SOX5: variants seen among roughly 807,000 people sequenced by gnomAD.
SOX5 encodes the protein SRY-box transcription factor 5.
SOX5 carries 9 observed loss-of-function variants against 92.0 expected under a neutral mutation model. The ratio of observed to expected loss-of-function variants is 0.10; its 90% CI spans 0.06 to 0.17. The LOEUF (loss-of-function observed/expected upper bound fraction) is 0.17. SOX5 is among the 10% of genes least tolerant of loss of function. The pLI, the probability that SOX5 is intolerant of heterozygous loss-of-function variation, is 1.00. For synonymous variants in SOX5, 344 were observed against 336.3 expected (o/e 1.02, Z -0.25); for missense variants, 642 against 944.5 (o/e 0.68, Z 4.20).
intron 1 of SOX5, among the ~76,000 whole-genome samples, chr12:24,430,880 A>T (rs566507405): frequency 1.3e-5 from 2 of 152,310 alleles, no homozygotes; most frequent in East Asian, 3.9e-4. Context: ...CTGAGCCTCA[A>T]ATCTACTCAT....
intron 4 of SOX5, among the ~76,000 whole-genome samples, chr12:24,100,236 G>A (rs1256706160): frequency 6.6e-6 from 1 of 151,866 alleles, no homozygotes; most frequent in Non-Finnish European, 1.5e-5. Flanking sequence ...CTATTTTTTA[G>A]GCTCCTTATT....
At chr12:23,821,474 GGAGA>G (rs1026643105) in intron 3 of SOX5, among the ~76,000 whole-genome samples, 3 of 152,204 alleles carry the variant, frequency 2.0e-5, no homozygotes, top group Admixed American at 6.5e-5. Flanking sequence ...GAATAGGAGT[GGAGA>G]GAGAGGGCAT....
intron 4 of SOX5, among the ~76,000 whole-genome samples, chr12:23,979,897 CTGGCTGGCTGGCTGG>C (rs1569371701): frequency 1.9e-4 from 27 of 138,980 alleles, no homozygotes; most frequent in African/African-American, 5.5e-4. Context: ...GGCTGGCTGG[CTGGCTGGCTGGCTGG>C]CCAGACAGAC....
intron 2 of SOX5, among the ~76,000 whole-genome samples, chr12:24,332,395 A>G (rs1951429115): frequency 6.6e-6 from 1 of 152,184 alleles, no homozygotes; most frequent in South Asian, 2.1e-4. Context: ...GAAAAGAACA[A>G]TACTTTCAGA....
chr12:23,860,896 T>G (rs1029720636), intron 2 of SOX5, among the ~76,000 whole-genome samples: 1 of 149,414 alleles, frequency 6.7e-6, no homozygotes, highest in Non-Finnish European at 1.5e-5. Context: ...GCCCTGTACA[T>G]TTTTGAAAGT....
At chr12:23,640,724 G>T in intron 8 of SOX5, 88 bp downstream of exon 8, 1 of 859,052 alleles carries the variant, frequency 1.2e-6, no homozygotes, top group Non-Finnish European at 2.0e-6. Flanking sequence ...CGAATATCAC[G>T]AGTCAGTTTT....
intron 11 of SOX5, among the ~76,000 whole-genome samples, chr12:23,554,231 T>C (rs754828181): frequency 1.8e-4 from 28 of 151,988 alleles, no homozygotes; most frequent in Non-Finnish European, 3.5e-4. Flanking sequence ...CTTTCTCCAG[T>C]GATGGGGTTT....
chr12:24,197,244 A>T (rs1193428122), intron 4 of SOX5, among the ~76,000 whole-genome samples: 1 of 152,176 alleles, frequency 6.6e-6, no homozygotes, highest in African/African-American at 2.4e-5. Flanking sequence ...ATCTGTGCCA[A>T]ATATTTGCTG....
At chr12:23,736,200 G>A (rs558416938) in intron 5 of SOX5, among the ~76,000 whole-genome samples, 334 of 151,808 alleles carry the variant, frequency 2.2e-3, no homozygotes, top group African/African-American at 3.8e-3. Flanking sequence ...GGTGGCTCAC[G>A]CCTGTAATCT....
chr12:24,185,955 C>T lies in SOX5; in HGVS notation c.-2+27388G>A, dbSNP rs80252832. ...GCTTCATACCTAAGACTATCAGAGT[C>T]CAAAGACTACAGGATATGCTTCTTA... On this transcript the variant is annotated intron_variant, in intron 4 of 4. Transcript: ENST00000446891. Among the ~76,000 whole-genome samples the T allele has an allele frequency of 2.1e-3, 314 of 152,088 alleles. 2 individuals carry two copies. Among genetic ancestry groups the T allele is most frequent in the African/African-American group, 7.3e-3 (302 of 41,476 alleles).
intron 2 of SOX5, among the ~76,000 whole-genome samples, chr12:24,352,402 G>A (rs1256800650): frequency 6.6e-6 from 1 of 152,116 alleles, no homozygotes; most frequent in Non-Finnish European, 1.5e-5. Flanking sequence ...AACATATGGG[G>A]CTTCAGTGGA....
chr12:23,789,680 C>T (rs935607110), intron 3 of SOX5, among the ~76,000 whole-genome samples: 2 of 151,990 alleles, frequency 1.3e-5, no homozygotes, highest in Non-Finnish European at 2.9e-5. Context: ...GAAAGAAAAT[C>T]ATATTTACAA....
intron 4 of SOX5, among the ~76,000 whole-genome samples, chr12:24,143,209 C>A (rs116708529): frequency 2.0e-5 from 3 of 152,146 alleles, no homozygotes; most frequent in Non-Finnish European, 4.4e-5. Context: ...TTCCAAGACA[C>A]GTCACTGAGT....
At chr12:23,652,225 C>A (rs1012383830) in intron 7 of SOX5, among the ~76,000 whole-genome samples, 3 of 151,972 alleles carry the variant, frequency 2.0e-5, no homozygotes, top group African/African-American at 7.2e-5. Flanking sequence ...TGATTTTCTT[C>A]TTCTCTAATT....
intron 4 of SOX5, among the ~76,000 whole-genome samples, chr12:24,031,070 C>T (rs747300651): frequency 1.6e-4 from 24 of 151,560 alleles, no homozygotes; most frequent in Non-Finnish European, 2.8e-4. Flanking sequence ...GTGGAGAAAA[C>T]GAAACCCTTG....
intron 4 of SOX5, among the ~76,000 whole-genome samples, chr12:23,969,099 C>T (rs1947931091): frequency 6.6e-6 from 1 of 152,110 alleles, no homozygotes; most frequent in Non-Finnish European, 1.5e-5. Flanking sequence ...ATTGTTTGGG[C>T]CAAAAACCTA....
At chr12:24,434,450 G>A (rs570277186) in intron 1 of SOX5, among the ~76,000 whole-genome samples, 73 of 152,114 alleles carry the variant, frequency 4.8e-4, no homozygotes, top group African/African-American at 1.6e-3. Context: ...TCCTGTATAC[G>A]CTCTACAGTC....
At chr12:23,544,183 G>A (rs1591917911) in intron 12 of SOX5, among the ~76,000 whole-genome samples, 1 of 152,166 alleles carries the variant, frequency 6.6e-6, no homozygotes, top group Admixed American at 6.5e-5. Context: ...CAATCAGTAA[G>A]ATTCACAGAT....
intron 4 of SOX5, among the ~76,000 whole-genome samples, chr12:23,976,390 T>TAAAAA (rs1327142180): frequency 9.0e-6 from 1 of 111,582 alleles, no homozygotes; most frequent in African/African-American, 3.6e-5. Flanking sequence ...TGAACACTAT[T>TAAAAA]AAAAAAACAA....
Sources: allele counts gnomAD v4.1 joint callset (sites outside exome capture counted in the v4.1 genomes callset), GRCh38; gene constraint gnomAD v4.1.1; transcripts MANE v1.5; gene names NCBI Gene and HGNC (gene_info 2026-07-23, HGNC 2026-07-21).